Variants in NUMB observed in about 807,000 individuals in gnomAD.
The protein encoded by NUMB is NUMB endocytic adaptor protein, also known as protein numb homolog.
In NUMB, 29 loss-of-function variants were observed where a neutral mutation model predicts 59.7. That is an observed-to-expected ratio of 0.49 (90% CI 0.36 to 0.66). The LOEUF (loss-of-function observed/expected upper bound fraction) is 0.66, where lower values mean the gene tolerates loss of function less well. Ranked by LOEUF, NUMB falls within the 30% of genes least tolerant of loss-of-function variation. The probability of loss-of-function intolerance (pLI) is 0.00; values close to 1 mark genes in which losing one functional copy is unlikely to be tolerated. For missense variants in NUMB, 723 were observed against 822.0 expected, an observed-to-expected ratio of 0.88 and a Z score of 1.47; for synonymous variants, 288 against 288.2, an observed-to-expected ratio of 1.00 and a Z score of 0.01.
At chr14:73,399,894 T>A (rs1896326839) in intron 2 of NUMB, among the ~76,000 whole-genome samples, 1 of 151,548 alleles carries the variant, frequency 6.6e-6, no homozygotes, top group Admixed American at 6.6e-5. Context: ...AATAAAAAAA[T>A]TAGCTGGATG....
intron 4 of NUMB, among the ~76,000 whole-genome samples, chr14:73,343,713 T>C (rs941706143): frequency 1.3e-5 from 2 of 152,240 alleles, no homozygotes; most frequent in Admixed American, 6.5e-5. Context: ...TACTCTTTAA[T>C]TGGGTTGCTG....
intron 2 of NUMB, among the ~76,000 whole-genome samples, chr14:73,368,203 G>C (rs1178312999): frequency 1.3e-5 from 2 of 152,124 alleles, no homozygotes; most frequent in Admixed American, 1.3e-4. Flanking sequence ...TATCTATTCA[G>C]CTATATATTA....
intron 6 of NUMB, among the ~76,000 whole-genome samples, chr14:73,307,797 A>G (rs557059678): frequency 3.7e-5 from 5 of 135,312 alleles, no homozygotes; most frequent in African/African-American, 1.4e-4. Flanking sequence ...CAGTGGCACG[A>G]TCTTGGCTCA....
chr14:73,389,961 A>T (rs1566775549), intron 2 of NUMB, among the ~76,000 whole-genome samples: 1 of 152,214 alleles, frequency 6.6e-6, no homozygotes, highest in African/African-American at 2.4e-5. Context: ...AATGAAATAT[A>T]CCAAAAAACA....
intron 6 of NUMB, among the ~76,000 whole-genome samples, chr14:73,314,614 C>T (rs1890983725): frequency 6.6e-6 from 1 of 152,078 alleles, no homozygotes; most frequent in African/African-American, 2.4e-5. Flanking sequence ...GTAGCGTGCA[C>T]CACCACATCC....
chr14:73,384,217 T>C (rs1446183355), intron 2 of NUMB, among the ~76,000 whole-genome samples: 1 of 151,480 alleles, frequency 6.6e-6, no homozygotes, highest in Non-Finnish European at 1.5e-5. Flanking sequence ...GCCTCCTGAG[T>C]AGCTGGGACT....
chr14:73,396,094 T>C (rs1438102465), intron 2 of NUMB, among the ~76,000 whole-genome samples: 1 of 152,188 alleles, frequency 6.6e-6, no homozygotes, highest in Non-Finnish European at 1.5e-5. Flanking sequence ...TTATTTTTAT[T>C]TCTTGTAGAG....
rs1286703351 is a variant in NUMB, at chr14:73,276,875, T to C, written c.1659A>G (p.Ser553=). ...ATGTCTGCTGCCTGACCAGGCTGGG[T>C]GACTGATGGGGATGGGCAGCCTGAG... ...GHPQAAHPHQ[S]PSLVRQQTFP... The change falls in exon 13 of 13, where the codon TCA becomes TCG. Residue 553 remains serine, a synonymous_variant. Transcript: ENST00000555238. 1.9e-6 allele frequency: 3 copies of C among 1,613,770 alleles called. No homozygotes were observed. In the Admixed American group the frequency reaches 5.0e-5, roughly 27 times the overall value.
chr14:73,389,610 C>T (rs1225590591), intron 2 of NUMB, among the ~76,000 whole-genome samples: 1 of 152,168 alleles, frequency 6.6e-6, no homozygotes, highest in Non-Finnish European at 1.5e-5. Flanking sequence ...GCATGAACCT[C>T]CAAAGTGCTG....
intron 6 of NUMB, among the ~76,000 whole-genome samples, chr14:73,303,281 TA>T (rs1455447954): frequency 1.3e-5 from 2 of 149,112 alleles, no homozygotes; most frequent in African/African-American, 5.1e-5. Flanking sequence ...AACACCTCTT[TA>T]AAAAGACAAC....
intron 3 of NUMB, chr14:73,356,940 C>T (rs1353740043): frequency 2.8e-6 from 1 of 354,184 alleles, no homozygotes; most frequent in Non-Finnish European, 4.0e-6. Flanking sequence ...GAAAGCAATC[C>T]TCCCGCCTTG....
chr14:73,373,997 T>C (rs1894827737), intron 2 of NUMB, among the ~76,000 whole-genome samples: 1 of 152,104 alleles, frequency 6.6e-6, no homozygotes, highest in African/African-American at 2.4e-5. Flanking sequence ...GCTTCCCTAG[T>C]AGCTGGGATT....
In NUMB at chr14:73,326,560, G is replaced by A. The variant is rs141621609; in HGVS notation, c.127-3356C>T. Among the ~76,000 whole-genome samples, 415 of 152,006 alleles carry A rather than the reference G, an allele frequency of 2.7e-3. 3 individuals are homozygous for A. The highest frequency in any genetic ancestry group is 9.8e-3 in the African/African-American group (406 of 41,450). ...GAGAATTGCTTGAACCTGGCAGGCAGAGATTGCAGTAAGCCGAGATCACCC... is the reference window on the plus strand; with the variant it reads ...GAGAATTGCTTGAACCTGGCAGGCAAAGATTGCAGTAAGCCGAGATCACCC... On this transcript the variant is annotated intron_variant, in intron 4 of 12. Coordinates refer to ENST00000555238, the MANE Select transcript of NUMB (RefSeq NM_001005743.2).
intron 2 of NUMB, among the ~76,000 whole-genome samples, chr14:73,392,875 C>T (rs72736345): frequency 0.16 from 23,741 of 151,870 alleles, 2,679 homozygotes; most frequent in Non-Finnish European, 0.23. Context: ...TTAACCTGGT[C>T]CACACATGAG....
At chr14:73,319,637 G>A (rs1891290996) in intron 5 of NUMB, among the ~76,000 whole-genome samples, 1 of 152,162 alleles carries the variant, frequency 6.6e-6, no homozygotes, top group South Asian at 2.1e-4. Flanking sequence ...AAAGTAGGTT[G>A]TAGATCCCCA....
At chr14:73,300,065 CTT>C (rs74645214) in intron 6 of NUMB, among the ~76,000 whole-genome samples, 30,060 of 151,986 alleles carry the variant, frequency 0.2, 3,292 homozygotes, top group South Asian at 0.26. Flanking sequence ...TATTAATAAA[CTT>C]TTAAAAACCT....
At chr14:73,292,145 C>T (rs1166448635) in intron 8 of NUMB, among the ~76,000 whole-genome samples, 1 of 151,944 alleles carries the variant, frequency 6.6e-6, no homozygotes, top group Non-Finnish European at 1.5e-5. Flanking sequence ...AAGTGTTCTG[C>T]TCGCCTCAGC....
intron 3 of NUMB, among the ~76,000 whole-genome samples, chr14:73,357,695 G>A (rs1485578556): frequency 2.2e-4 from 34 of 151,830 alleles, no homozygotes; most frequent in Admixed American, 2.1e-3. Flanking sequence ...CCCGGGAGGC[G>A]GAGGTTGCAG....
chr14:73,378,456 T>A (rs1895077428), intron 2 of NUMB, among the ~76,000 whole-genome samples: 1 of 152,220 alleles, frequency 6.6e-6, no homozygotes, highest in African/African-American at 2.4e-5. Flanking sequence ...ACACAGTTGT[T>A]CACAACAGCT....
Sources: allele counts gnomAD v4.1 joint callset (sites outside exome capture counted in the v4.1 genomes callset), GRCh38; gene constraint gnomAD v4.1.1; transcripts MANE v1.5; gene names NCBI Gene and HGNC (gene_info 2026-07-23, HGNC 2026-07-21).